The following RPS6KA2 variants were observed in gnomAD, a reference collection of about 807,000 sequenced individuals.
RPS6KA2 encodes the protein ribosomal protein S6 kinase alpha-2.
In RPS6KA2, 42 loss-of-function variants were observed where a neutral mutation model predicts 91.8. The observed-to-expected ratio is 0.46, with a 90% CI of 0.36 to 0.59. RPS6KA2 has a LOEUF of 0.59. Among genes scored for constraint, RPS6KA2 ranks in the 20% least tolerant of loss-of-function variants. The pLI is 0.00. For missense variants in RPS6KA2, 798 were observed against 978.5 expected (o/e 0.82, Z 2.46); for synonymous variants, 414 against 393.6 (o/e 1.05, Z -0.61).
chr6:166,832,238 G>A (rs975920071), intron 2 of RPS6KA2, among the ~76,000 whole-genome samples: 1 of 152,132 alleles, frequency 6.6e-6, no homozygotes, highest in Non-Finnish European at 1.5e-5. Context: ...GAATTTGCCT[G>A]GCCTGGGAGG....
chr6:166,802,120 AT>A (rs1288381713), intron 2 of RPS6KA2, among the ~76,000 whole-genome samples: 1 of 151,768 alleles, frequency 6.6e-6, no homozygotes. Context: ...ACACAAACAA[AT>A]TAGCCAGGCG....
In RPS6KA2 at chr6:166,627,152, G is replaced by C; in HGVS notation, c.-133C>G. ...GGCACGGCGGCCATGGGCGCGGGGC[G>C]TGGGGCGCGAGCTGCGGTCACAAAG... On this transcript the variant is annotated 5_prime_UTR_variant, in exon 1 of 21. Transcript: ENST00000265678. The C allele has an allele frequency of 9.0e-7, 1 of 1,114,284 alleles. No individual in the cohort carries two copies. The highest frequency in any genetic ancestry group is 1.1e-6 in the Non-Finnish European group (1 of 913,590). 69.0% of individuals were successfully genotyped at this position (1,114,284 alleles called of 1,614,324 possible). A position where few individuals can be genotyped will look rare whatever the true frequency, so the allele number is the denominator to read the frequency against.
chr6:166,722,996 C>T lies in RPS6KA2; in HGVS notation c.123+135204G>A, dbSNP rs1172886551. Among the ~76,000 whole-genome samples the T allele has an allele frequency of 3.3e-5, 5 of 152,140 alleles. No homozygotes were observed. In the East Asian group the frequency reaches 5.8e-4, roughly 18 times the overall value. Reference sequence around the variant, plus strand: ...CTTGGCGACTATGACAACCGTTAAGCGATGCAAGGTTTGGGGCGCTGCAAG... The same window carrying T: ...CTTGGCGACTATGACAACCGTTAAGTGATGCAAGGTTTGGGGCGCTGCAAG... On this transcript the variant is annotated intron_variant, in intron 2 of 21. Transcript: ENST00000503859.
intron 10 of RPS6KA2, among the ~76,000 whole-genome samples, chr6:166,479,399 G>C (rs915720282): frequency 6.6e-6 from 1 of 152,254 alleles, no homozygotes; most frequent in African/African-American, 2.4e-5. Flanking sequence ...GCCACGGCGA[G>C]GTGGCAGTGT....
intron 2 of RPS6KA2, among the ~76,000 whole-genome samples, chr6:166,827,325 C>T (rs1780075122): frequency 6.7e-6 from 1 of 149,262 alleles, no homozygotes; most frequent in African/African-American, 2.5e-5. Flanking sequence ...ACTGCCTGTC[C>T]AACCTCGGAC....
At chr6:166,659,739 T>G (rs1028628787) in intron 2 of RPS6KA2, among the ~76,000 whole-genome samples, 2 of 152,170 alleles carry the variant, frequency 1.3e-5, no homozygotes, top group African/African-American at 4.8e-5. Context: ...GCGTGGTGGC[T>G]TGACGTCCTT....
intron 9 of RPS6KA2, among the ~76,000 whole-genome samples, chr6:166,489,830 T>C (rs1781529783): frequency 6.6e-6 from 1 of 152,004 alleles, no homozygotes; most frequent in African/African-American, 2.4e-5. Context: ...TGGTGGTGTT[T>C]TAGGTGATTC....
chr6:166,735,177 A>C (rs1270995635), intron 2 of RPS6KA2, among the ~76,000 whole-genome samples: 1 of 152,140 alleles, frequency 6.6e-6, no homozygotes, highest in African/African-American at 2.4e-5. Flanking sequence ...CTGCCCAGCC[A>C]CTCCGCTTCA....
At chr6:166,688,156 G>A (rs1789081774) in intron 2 of RPS6KA2, among the ~76,000 whole-genome samples, 1 of 152,234 alleles carries the variant, frequency 6.6e-6, no homozygotes, top group Non-Finnish European at 1.5e-5. Context: ...GGAAGGCGAA[G>A]GAGCTGGCAG....
chr6:166,579,600 G>A (rs539478358), intron 1 of RPS6KA2, among the ~76,000 whole-genome samples: 3 of 152,272 alleles, frequency 2.0e-5, no homozygotes, highest in East Asian at 3.9e-4. Flanking sequence ...AACATCCTAC[G>A]TCACCATGAA....
Position 166,493,595 on chromosome 6 carries a change from C to G in RPS6KA2, c.748-2854G>C, listed in dbSNP as rs1428869729. Among the ~76,000 whole-genome samples the G allele has an allele frequency of 6.6e-6, 1 of 151,996 alleles. No individual in the cohort carries two copies. The highest frequency in any genetic ancestry group is 2.1e-4 in the South Asian group (1 of 4,788). ...CAAAGGATTCTTTCCCAATCGGCAC[C>G]GAGACCAGGCTGCAGACAGGCACAG... On this transcript the variant is annotated intron_variant, in intron 8 of 20. Coordinates refer to ENST00000265678, the MANE Select transcript of RPS6KA2 (RefSeq NM_021135.6). This position sits in a 1 kb window ranked among gnomAD's most constrained non-coding sequence, Gnocchi z 4.7.
intron 14 of RPS6KA2, among the ~76,000 whole-genome samples, chr6:166,441,838 A>G (rs1779527370): frequency 6.6e-6 from 1 of 152,234 alleles, no homozygotes; most frequent in African/African-American, 2.4e-5. Flanking sequence ...ACCATCCTGA[A>G]TGCTGTGGGG....
rs73269217 is a variant in RPS6KA2 at position 166,421,922 on chromosome 6, C to T, written c.1743+1334G>A. Among the ~76,000 whole-genome samples the T allele has an allele frequency of 9.1e-3, 1,377 of 152,114 alleles. 15 individuals carry two copies. Among genetic ancestry groups the T allele is most frequent in the African/African-American group, 0.029 (1,213 of 41,478 alleles). On this transcript the variant is annotated intron_variant, in intron 17 of 20. Transcript: ENST00000265678. The stretch of plus-strand genomic sequence containing the variant: ...TTTTTTTAGTTTTTATTTTTTGAGA[C>T]GGAGTCCTGCTCTTTCAACCAGGCT...
At chr6:166,640,898 G>A (rs1241493282) in intron 2 of RPS6KA2, among the ~76,000 whole-genome samples, 2 of 152,134 alleles carry the variant, frequency 1.3e-5, no homozygotes, top group Non-Finnish European at 2.9e-5. Context: ...GAAGAAGGAG[G>A]CTTGCATCTT....
At chr6:166,847,510 T>G (rs937515448) in intron 2 of RPS6KA2, among the ~76,000 whole-genome samples, 1 of 152,186 alleles carries the variant, frequency 6.6e-6, no homozygotes, top group Non-Finnish European at 1.5e-5. Context: ...CTCCAAACTA[T>G]ACTGTAATGT....
chr6:166,778,531 C>T (rs1357214789), intron 2 of RPS6KA2, among the ~76,000 whole-genome samples: 2 of 152,088 alleles, frequency 1.3e-5, no homozygotes, highest in Non-Finnish European at 2.9e-5. Context: ...TTTCGGAGGC[C>T]GAGATGGGTG....
chr6:166,581,857 C>A (rs531767205), intron 1 of RPS6KA2, among the ~76,000 whole-genome samples: 68 of 96,600 alleles, frequency 7.0e-4, no homozygotes, highest in African/African-American at 2.7e-3. Context: ...GCCCACTCGG[C>A]AGGTGGGCTG....
intron 2 of RPS6KA2, among the ~76,000 whole-genome samples, chr6:166,766,439 G>A (rs1277643275): frequency 2.6e-5 from 4 of 152,080 alleles, no homozygotes; most frequent in Admixed American, 2.6e-4. Context: ...ACATATAATT[G>A]TACAACTTAA....
chr6:166,762,621 C>T (rs1174311863), intron 2 of RPS6KA2, among the ~76,000 whole-genome samples: 1 of 152,180 alleles, frequency 6.6e-6, no homozygotes, highest in African/African-American at 2.4e-5. Context: ...CACCACGGTC[C>T]CTGAGAGACT....
Sources: gnomAD v4.1 joint callset for allele counts (sites outside exome capture counted in the v4.1 genomes callset) on GRCh38, gnomAD v4.1.1 for gene constraint, Gnocchi (gnomAD v3.1) non-coding constraint, MANE v1.5 for transcripts, NCBI Gene and HGNC (gene_info 2026-07-23, HGNC 2026-07-21) for gene names.